The following CERKL variants were observed in gnomAD, a reference collection of about 807,000 sequenced individuals.
CERKL encodes the protein ceramide kinase-like protein.
A neutral mutation model predicts 63.4 loss-of-function variants in CERKL; 61 were observed. The ratio of observed to expected loss-of-function variants is 0.96; its 90% CI spans 0.78 to 1.19. The LOEUF is 1.19. Among genes scored for constraint, CERKL ranks in the 50% most tolerant of loss-of-function variants. CERKL has a pLI of 0.00. For missense variants in CERKL, 675 were observed against 655.5 expected (o/e 1.03, Z -0.33); for synonymous variants, 250 against 230.5 (o/e 1.08, Z -0.77).
At chr2:181,569,828 AT>A (rs1688826324) in intron 3 of CERKL, among the ~76,000 whole-genome samples, 1 of 152,158 alleles carries the variant, frequency 6.6e-6, no homozygotes, top group African/African-American at 2.4e-5. Context: ...TTTATTTCAT[AT>A]TACTACAAGA....
chr2:181,580,571 T>A (rs957254647), intron 2 of CERKL, among the ~76,000 whole-genome samples: 4 of 152,292 alleles, frequency 2.6e-5, no homozygotes, highest in Non-Finnish European at 4.4e-5. Flanking sequence ...TAAAGGACAT[T>A]CCTGTCAGTT....
chr2:181,552,707 A>G (rs1307252827), intron 5 of CERKL, among the ~76,000 whole-genome samples: 2 of 151,990 alleles, frequency 1.3e-5, no homozygotes, highest in Admixed American at 6.6e-5. Flanking sequence ...GTATGTGATC[A>G]TTATGTCAAT....
chr2:181,592,990 T>C (rs1169092086), intron 2 of CERKL, among the ~76,000 whole-genome samples: 2 of 152,134 alleles, frequency 1.3e-5, no homozygotes, highest in African/African-American at 2.4e-5. Flanking sequence ...ATGGATTCTA[T>C]AGAAGCTCAA....
At chr2:181,627,461 C>A (rs907112513) in intron 1 of CERKL, among the ~76,000 whole-genome samples, 1 of 152,164 alleles carries the variant, frequency 6.6e-6, no homozygotes, top group Non-Finnish European at 1.5e-5. Context: ...GCTACTCTTG[C>A]TGTTCCTAGG....
intron 2 of CERKL, among the ~76,000 whole-genome samples, chr2:181,589,538 C>T (rs1228149398): frequency 6.6e-6 from 1 of 152,104 alleles, no homozygotes; most frequent in African/African-American, 2.4e-5. Context: ...ATATTTAAGT[C>T]TTTAATTCAT....
intron 4 of CERKL, among the ~76,000 whole-genome samples, chr2:181,563,067 A>T (rs941485469): frequency 1.2e-4 from 19 of 152,182 alleles, no homozygotes; most frequent in African/African-American, 4.3e-4. Flanking sequence ...TTTTAAAACT[A>T]TACTCACACT....
intron 3 of CERKL, among the ~76,000 whole-genome samples, chr2:181,570,580 T>C (rs912816253): frequency 6.6e-5 from 10 of 152,302 alleles, no homozygotes; most frequent in Non-Finnish European, 1.5e-5. Context: ...CGGAAGTTTT[T>C]CTGATGCTAT....
intron 1 of CERKL, among the ~76,000 whole-genome samples, chr2:181,628,837 G>A (rs1686824690): frequency 6.6e-6 from 1 of 152,046 alleles, no homozygotes; most frequent in Admixed American, 6.6e-5. Flanking sequence ...GTTTCCCCAA[G>A]AACAAATCCC....
intron 1 of CERKL, among the ~76,000 whole-genome samples, chr2:181,618,528 G>A (rs1166226058): frequency 3.3e-5 from 5 of 151,504 alleles, no homozygotes; most frequent in East Asian, 1.9e-4. Flanking sequence ...AGTGATTCTC[G>A]TGCCTCAGCC....
intron 2 of CERKL, among the ~76,000 whole-genome samples, chr2:181,575,451 T>C (rs1301933472): frequency 6.6e-6 from 1 of 152,106 alleles, no homozygotes; most frequent in East Asian, 1.9e-4. Context: ...TATCCACAAA[T>C]ACAGACAGCA....
chr2:181,563,520 G>A (rs1395266994), intron 4 of CERKL, among the ~76,000 whole-genome samples: 1 of 151,462 alleles, frequency 6.6e-6, no homozygotes, highest in Non-Finnish European at 1.5e-5. Context: ...TTCCACTAGT[G>A]TCAGACGGAG....
Position 181,583,707 on chromosome 2 carries a change from A to G in CERKL, c.482-9823T>C, listed in dbSNP as rs116290821. ...AGAGCTCTCCTAGTAACTCTTATGT[A>G]TGATAAAATGTCTACAGGACAAATA... On this transcript the variant is annotated intron_variant, in intron 2 of 12. Transcript: ENST00000410087. Among the ~76,000 whole-genome samples the G allele has an allele frequency of 4.7e-3, 723 of 152,350 alleles. 5 individuals are homozygous for G. The highest frequency in any genetic ancestry group is 7.7e-3 in the Non-Finnish European group (523 of 68,028).
At position 181,538,165 on chromosome 2, in the gene CERKL, T is replaced by C. The variant is rs1395156174; in HGVS notation, c.*19A>G. On this transcript the variant is annotated 3_prime_UTR_variant, in exon 13 of 13. Coordinates refer to ENST00000410087, the MANE Select transcript of CERKL (RefSeq NM_201548.5). Reference sequence around the variant, plus strand: ...ATTAAAATTCTAGTTTGTACATTTCTTTTAGAAACAATTACATGTTACTTT... The same window carrying C: ...ATTAAAATTCTAGTTTGTACATTTCCTTTAGAAACAATTACATGTTACTTT... 2.6e-6 allele frequency: 4 copies of C among 1,511,370 alleles called. No individual in the cohort carries two copies. Among genetic ancestry groups the C allele is most frequent in the South Asian group, 1.1e-5 (1 of 88,686 alleles). The allele number at this position is 1,511,370 out of a possible 1,614,324, so 93.6% of individuals were successfully genotyped here. A position where few individuals can be genotyped will look rare whatever the true frequency, so the allele number is the denominator to read the frequency against.
At chr2:181,559,484 T>TCA (rs1374073556) in intron 4 of CERKL, among the ~76,000 whole-genome samples, 2 of 152,110 alleles carry the variant, frequency 1.3e-5, no homozygotes, top group African/African-American at 4.8e-5. Flanking sequence ...AAAGCAGGTG[T>TCA]CACAACTCAA....
intron 1 of CERKL, among the ~76,000 whole-genome samples, chr2:181,656,381 TAA>T (rs1176225629): frequency 4.6e-5 from 7 of 152,210 alleles, no homozygotes; most frequent in Non-Finnish European, 8.8e-5. Flanking sequence ...GTTAATGGAT[TAA>T]AACTTTTTCA....
At chr2:181,575,267 G>A (rs1011368706) in intron 2 of CERKL, among the ~76,000 whole-genome samples, 7 of 152,098 alleles carry the variant, frequency 4.6e-5, no homozygotes, top group Non-Finnish European at 1.0e-4. Context: ...CCTGAAGAGC[G>A]AGCCCAAACC....
In CERKL at chr2:181,550,606, G is replaced by A. The variant is rs910583671; in HGVS notation, c.821-898C>T. On this transcript the variant is annotated intron_variant, in intron 5 of 12. Transcript: ENST00000410087. This position sits in a 1 kb window ranked among gnomAD's most constrained non-coding sequence, Gnocchi z 4.5. Reference sequence around the variant, plus strand: ...AGAGCTGTGAAACCATGCATGTGGTGTGTTCCGGTTATGAAGGCAAAGACC... The same window carrying A: ...AGAGCTGTGAAACCATGCATGTGGTATGTTCCGGTTATGAAGGCAAAGACC... Among the ~76,000 whole-genome samples, 6 of 152,120 alleles carry A rather than the reference G, an allele frequency of 3.9e-5. No individual in the cohort carries two copies. Among genetic ancestry groups the A allele is most frequent in the Non-Finnish European group, 8.8e-5 (6 of 68,008 alleles).
At chr2:181,645,405 G>A (rs1465068967) in intron 1 of CERKL, among the ~76,000 whole-genome samples, 1 of 152,200 alleles carries the variant, frequency 6.6e-6, no homozygotes, top group African/African-American at 2.4e-5. Flanking sequence ...AACATATTCT[G>A]AATATCTTCC....
intron 2 of CERKL, among the ~76,000 whole-genome samples, chr2:181,599,046 A>C (rs1012434815): frequency 2.0e-5 from 3 of 152,232 alleles, no homozygotes; most frequent in Non-Finnish European, 2.9e-5. Flanking sequence ...AACCAAGTTG[A>C]AAACTTTGAA....
Sources: gnomAD v4.1 joint callset for allele counts (sites outside exome capture counted in the v4.1 genomes callset) on GRCh38, gnomAD v4.1.1 for gene constraint, Gnocchi (gnomAD v3.1) non-coding constraint, MANE v1.5 for transcripts, NCBI Gene and HGNC (gene_info 2026-07-23, HGNC 2026-07-21) for gene names.